RIMBP2: variants seen among roughly 807,000 people sequenced by gnomAD.
RIMBP2 encodes RIMS binding protein 2, also known as RIMS-binding protein 2.
RIMBP2 carries 48 observed loss-of-function variants against 118.6 expected under a neutral mutation model. The ratio of observed to expected loss-of-function variants is 0.40; its 90% CI spans 0.32 to 0.51. The LOEUF is 0.51. RIMBP2 is among the 20% of genes least tolerant of loss of function. The pLI is 0.41. For synonymous variants in RIMBP2, 762 were observed against 742.9 expected (o/e 1.03, Z -0.42); for missense variants, 1,551 against 1,768.3 (o/e 0.88, Z 2.20).
intron 2 of RIMBP2, among the ~76,000 whole-genome samples, chr12:130,590,749 A>C (rs767973547): frequency 6.6e-6 from 1 of 152,300 alleles, no homozygotes; most frequent in South Asian, 2.1e-4. Context: ...ATTTGCTGAT[A>C]GTTTTGAAGG....
At chr12:130,657,957 G>C (rs1452078118) in intron 1 of RIMBP2, 1 of 152,362 alleles carries the variant, frequency 6.6e-6, no homozygotes, top group Non-Finnish European at 1.5e-5. Flanking sequence ...GAGAACGCAC[G>C]GCTGGACACA....
rs1417451628 is a variant in RIMBP2, at chr12:130,581,956, C to T, written c.-217+46366G>A. Among the ~76,000 whole-genome samples, 2 of 152,142 alleles carry T rather than the reference C, an allele frequency of 1.3e-5. No homozygotes were observed. Among genetic ancestry groups the T allele is most frequent in the African/African-American group, 4.8e-5 (2 of 41,422 alleles). On this transcript the variant is annotated intron_variant, in intron 2 of 22. Coordinates refer to ENST00000690449, the MANE Select transcript of RIMBP2 (RefSeq NM_001393629.1). The surrounding 1 kb of genome is among the most constrained non-coding windows in gnomAD (Gnocchi z 4.4). ...TCCCTCCCTGGCTCAGTCACTCTCA[C>T]TTCACCACCACCACCACCACCGACC...
At chr12:130,494,809 C>T (rs2048988002) in intron 4 of RIMBP2, among the ~76,000 whole-genome samples, 2 of 152,178 alleles carry the variant, frequency 1.3e-5, no homozygotes, top group African/African-American at 2.4e-5. Context: ...GCATTTGTGA[C>T]CGCTGGGTCA....
intron 1 of RIMBP2, among the ~76,000 whole-genome samples, chr12:130,653,211 A>G (rs116565004): frequency 1.4e-3 from 212 of 152,328 alleles, no homozygotes; most frequent in African/African-American, 4.8e-3. Flanking sequence ...CCTTCTACCT[A>G]TGAGCCTGTA....
At chr12:130,657,058 T>C (rs2063463547) in intron 1 of RIMBP2, among the ~76,000 whole-genome samples, 1 of 152,210 alleles carries the variant, frequency 6.6e-6, no homozygotes. Context: ...CCATGCCTAC[T>C]ATTTTTTTAC....
At chr12:130,522,134 C>T (rs1209750551) in intron 2 of RIMBP2, among the ~76,000 whole-genome samples, 4 of 152,200 alleles carry the variant, frequency 2.6e-5, no homozygotes, top group Admixed American at 6.5e-5. Context: ...CAGAACGTGC[C>T]AGTTAAGGAG....
chr12:130,510,748 T>C (rs1244404322), intron 3 of RIMBP2, among the ~76,000 whole-genome samples: 4 of 152,228 alleles, frequency 2.6e-5, no homozygotes, highest in Non-Finnish European at 5.9e-5. Flanking sequence ...GAATTACAGA[T>C]GTGAACCACC....
At chr12:130,552,770 A>G (rs2055931313) in intron 2 of RIMBP2, among the ~76,000 whole-genome samples, 1 of 152,204 alleles carries the variant, frequency 6.6e-6, no homozygotes, top group African/African-American at 2.4e-5. Flanking sequence ...TGTACATCCC[A>G]GGGTGACAGA....
intron 3 of RIMBP2, among the ~76,000 whole-genome samples, chr12:130,508,722 T>C (rs2138859669): frequency 6.6e-6 from 1 of 152,300 alleles, no homozygotes; most frequent in South Asian, 2.1e-4. Context: ...AACAGAAGTG[T>C]CACCAGACAG....
intron 2 of RIMBP2, among the ~76,000 whole-genome samples, chr12:130,556,792 G>C (rs1053958045): frequency 6.6e-6 from 1 of 152,204 alleles, no homozygotes; most frequent in Non-Finnish European, 1.5e-5. Flanking sequence ...CAGCCCCCAG[G>C]AACAGTGTGG....
chr12:130,632,009 C>A (rs1267241817), intron 1 of RIMBP2, among the ~76,000 whole-genome samples: 1 of 152,242 alleles, frequency 6.6e-6, no homozygotes, highest in Admixed American at 6.5e-5. Context: ...TTTCTTTAAA[C>A]TACATGAAAC....
chr12:130,458,599 A>G (rs1264250179), intron 6 of RIMBP2, among the ~76,000 whole-genome samples: 2 of 152,238 alleles, frequency 1.3e-5, no homozygotes, highest in Admixed American at 6.5e-5. Context: ...GTGTGAGCCA[A>G]CGAACCCCCA....
intron 2 of RIMBP2, among the ~76,000 whole-genome samples, chr12:130,553,161 A>AAAAAG (rs1337203662): frequency 6.7e-6 from 1 of 149,472 alleles, no homozygotes; most frequent in African/African-American, 2.4e-5. Flanking sequence ...TCAAAAAAAA[A>AAAAAG]AAAAGAAAAG....
intron 2 of RIMBP2, among the ~76,000 whole-genome samples, chr12:130,549,106 G>A (rs965032226): frequency 1.3e-5 from 2 of 152,088 alleles, no homozygotes; most frequent in African/African-American, 2.4e-5. Context: ...CAGACATAGG[G>A]GATTTTATTC....
intron 4 of RIMBP2, among the ~76,000 whole-genome samples, chr12:130,484,661 GT>G (rs1341764387): frequency 1.3e-5 from 2 of 152,194 alleles, no homozygotes; most frequent in Non-Finnish European, 2.9e-5. Context: ...TCCCACTGCT[GT>G]CCCCACCACC....
chr12:130,415,290 A>C (rs2076033244), intron 17 of RIMBP2, among the ~76,000 whole-genome samples: 1 of 152,222 alleles, frequency 6.6e-6, no homozygotes, highest in Admixed American at 6.5e-5. Context: ...AACAGAACTA[A>C]AACAAAAACC....
At chr12:130,565,726 G>A (rs1479309241) in intron 2 of RIMBP2, among the ~76,000 whole-genome samples, 2 of 152,116 alleles carry the variant, frequency 1.3e-5, no homozygotes, top group African/African-American at 4.8e-5. Context: ...TTTCTTTGTA[G>A]ATCTTTTTAT....
At chr12:130,694,906 C>A (rs1282623298) in intron 1 of RIMBP2, among the ~76,000 whole-genome samples, 4 of 152,180 alleles carry the variant, frequency 2.6e-5, no homozygotes, top group Non-Finnish European at 5.9e-5. Flanking sequence ...CAAACACTAA[C>A]CAAATGGGTA....
At chr12:130,558,574 C>T (rs1322421746) in intron 2 of RIMBP2, among the ~76,000 whole-genome samples, 1 of 152,178 alleles carries the variant, frequency 6.6e-6, no homozygotes, top group Non-Finnish European at 1.5e-5. Flanking sequence ...AAGAATGAGG[C>T]ACGCTGTTAG....
Sources: gnomAD v4.1 joint callset for allele counts (sites outside exome capture counted in the v4.1 genomes callset) on GRCh38, gnomAD v4.1.1 for gene constraint, Gnocchi (gnomAD v3.1) non-coding constraint, MANE v1.5 for transcripts, NCBI Gene and HGNC (gene_info 2026-07-23, HGNC 2026-07-21) for gene names.